The following KANK1 variants were observed in gnomAD, a reference collection of about 807,000 sequenced individuals.
The protein encoded by KANK1 is KN motif and ankyrin repeat domain-containing protein 1.
KANK1 carries 109 observed loss-of-function variants against 106.2 expected under a neutral mutation model. That is an observed-to-expected ratio of 1.03 (90% confidence interval 0.88 to 1.20). The LOEUF is 1.20. Ranked by LOEUF, KANK1 falls within the 50% of genes most tolerant of loss-of-function variation. The pLI, the probability that KANK1 is intolerant of heterozygous loss-of-function variation, is 0.00. For synonymous variants in KANK1, 873 were observed against 652.2 expected (o/e 1.34, Z -5.16); for missense variants, 2,399 against 1,710.7 (o/e 1.40, Z -7.10).
At chr9:562,029 T>C (rs940643034) in intron 1 of KANK1, among the ~76,000 whole-genome samples, 1 of 147,612 alleles carries the variant, frequency 6.8e-6, no homozygotes, top group Admixed American at 6.9e-5. Context: ...TCCAAGTAAG[T>C]AAATTGCATT....
intron 1 of KANK1, among the ~76,000 whole-genome samples, chr9:535,620 A>G (rs2060262384): frequency 6.6e-6 from 1 of 152,172 alleles, no homozygotes; most frequent in African/African-American, 2.4e-5. Flanking sequence ...AATACAGTAC[A>G]CCTGCTGAGT....
intron 3 of KANK1, among the ~76,000 whole-genome samples, chr9:722,041 A>G (rs1290124559): frequency 6.6e-6 from 1 of 152,242 alleles, no homozygotes; most frequent in Non-Finnish European, 1.5e-5. Flanking sequence ...TCATGACAGT[A>G]AAAGAAACCT....
At chr9:630,408 A>G (rs577797668) in intron 1 of KANK1, among the ~76,000 whole-genome samples, 50 of 151,990 alleles carry the variant, frequency 3.3e-4, no homozygotes, top group East Asian at 2.3e-3. Flanking sequence ...AAAATTAGCC[A>G]GGCATGGTGG....
rs142294640 is a variant in KANK1 at position 743,019 on chromosome 9, C to T, written c.3897+614C>T. ...CCACATTTCCAGATAACTCCTTGAC[C>T]GGGAAACTCAACCAAAGGGGGTACT... On this transcript the variant is annotated intron_variant, in intron 10 of 11. Coordinates refer to ENST00000382297, the MANE Select transcript of KANK1 (RefSeq NM_015158.5). Among the ~76,000 whole-genome samples the T allele has an allele frequency of 1.2e-4, 18 of 152,248 alleles. No individual in the cohort carries two copies. In the East Asian group the frequency reaches 1.4e-3, roughly 11 times the overall value.
chr9:567,054 T>G (rs777366163), intron 1 of KANK1, among the ~76,000 whole-genome samples: 2 of 152,256 alleles, frequency 1.3e-5, no homozygotes, highest in Non-Finnish European at 2.9e-5. Context: ...TTCAATTTTC[T>G]GCACATGGCT....
chr9:701,297 G>C (rs761954902), intron 2 of KANK1, among the ~76,000 whole-genome samples: 1 of 152,174 alleles, frequency 6.6e-6, no homozygotes, highest in Admixed American at 6.5e-5. Flanking sequence ...ATTTTTAGTA[G>C]AGGTGGGGTT....
At chr9:734,922 C>G in intron 7 of KANK1, 87 bp downstream of exon 7, 1 of 916,874 alleles carries the variant, frequency 1.1e-6, no homozygotes, top group Non-Finnish European at 1.8e-6. Context: ...GCTGCCCGAG[C>G]TGTTGCTTGC....
intron 1 of KANK1, among the ~76,000 whole-genome samples, chr9:556,975 G>C (rs773211825): frequency 7.9e-5 from 12 of 152,094 alleles, no homozygotes; most frequent in Non-Finnish European, 1.6e-4. Context: ...TTGAAGATAA[G>C]AAATTGTTAA....
intron 1 of KANK1, among the ~76,000 whole-genome samples, chr9:619,998 G>A (rs545038375): frequency 6.6e-6 from 1 of 152,084 alleles, no homozygotes; most frequent in Non-Finnish European, 1.5e-5. Context: ...TTAGCCTAGT[G>A]TGGTGGTGTG....
intron 1 of KANK1, among the ~76,000 whole-genome samples, chr9:539,132 C>T (rs578236302): frequency 3.9e-5 from 6 of 152,266 alleles, no homozygotes; most frequent in Non-Finnish European, 5.9e-5. Flanking sequence ...CCACCTGCCT[C>T]GGCCTCCCTA....
intron 3 of KANK1, among the ~76,000 whole-genome samples, chr9:714,666 G>A (rs948392572): frequency 2.0e-5 from 3 of 152,046 alleles, no homozygotes; most frequent in Non-Finnish European, 4.4e-5. Context: ...CCCGATAGGC[G>A]CTTACATTTT....
At chr9:480,990 T>C (rs2058194064) in intron 3 of KANK1, among the ~76,000 whole-genome samples, 1 of 152,178 alleles carries the variant, frequency 6.6e-6, no homozygotes, top group Admixed American at 6.5e-5. Context: ...AAAAATGCAT[T>C]TAGTACACCT....
chr9:592,480 C>T (rs574595292), intron 1 of KANK1, among the ~76,000 whole-genome samples: 5 of 133,300 alleles, frequency 3.8e-5, no homozygotes, highest in African/African-American at 1.2e-4. Flanking sequence ...GTGAGCACCC[C>T]GATCCCCTAG....
chr9:682,862 C>T (rs979543490), intron 2 of KANK1, among the ~76,000 whole-genome samples: 2 of 152,194 alleles, frequency 1.3e-5, no homozygotes. Flanking sequence ...CCAGACAGAG[C>T]CAGGCTCATG....
At chr9:497,294 T>G (rs2132398036) in intron 3 of KANK1, among the ~76,000 whole-genome samples, 1 of 152,304 alleles carries the variant, frequency 6.6e-6, no homozygotes, top group South Asian at 2.1e-4. Flanking sequence ...CTTTCCTTAG[T>G]AAATCTCAAG....
chr9:523,990 A>G (rs994623719), intron 1 of KANK1, among the ~76,000 whole-genome samples: 1 of 151,800 alleles, frequency 6.6e-6, no homozygotes, highest in Non-Finnish European at 1.5e-5. Flanking sequence ...CTGGAAACGC[A>G]GAAGACACTT....
intron 2 of KANK1, among the ~76,000 whole-genome samples, chr9:703,280 C>T (rs1564015629): frequency 6.6e-6 from 1 of 152,084 alleles, no homozygotes; most frequent in Non-Finnish European, 1.5e-5. Context: ...GCATGAGTCT[C>T]CACTCATGGC....
chr9:539,039 C>T (rs192572074), intron 1 of KANK1, among the ~76,000 whole-genome samples: 3 of 152,150 alleles, frequency 2.0e-5, no homozygotes, highest in African/African-American at 4.8e-5. Context: ...AGCCACCACA[C>T]CTGGCTAATA....
At chr9:491,499 C>T (rs187579408) in intron 3 of KANK1, among the ~76,000 whole-genome samples, 4 of 151,960 alleles carry the variant, frequency 2.6e-5, no homozygotes, top group East Asian at 3.9e-4. Flanking sequence ...AATGTCTTGA[C>T]CTCGTGATCC....
Sources: gnomAD v4.1 joint callset for allele counts (sites outside exome capture counted in the v4.1 genomes callset) on GRCh38, gnomAD v4.1.1 for gene constraint, MANE v1.5 for transcripts, NCBI Gene and HGNC (gene_info 2026-07-23, HGNC 2026-07-21) for gene names.